MAST4: variants seen among roughly 807,000 people sequenced by gnomAD.
MAST4 encodes the protein microtubule associated serine/threonine kinase family member 4.
Under a neutral mutation model 162.7 loss-of-function variants are expected in MAST4, and 89 were observed. That is an observed-to-expected ratio of 0.55 (90% CI 0.46 to 0.65). The LOEUF (loss-of-function observed/expected upper bound fraction) is 0.65, where lower values mean the gene tolerates loss of function less well. Among genes scored for constraint, MAST4 ranks in the 30% least tolerant of loss-of-function variants. The pLI is 0.00. For synonymous variants in MAST4, 1,479 were observed against 1,361.1 expected (o/e 1.09, Z -1.91); for missense variants, 3,153 against 3,374.0 (o/e 0.93, Z 1.62).
At chr5:66,830,262 CT>C (rs1156434101) in intron 3 of MAST4, among the ~76,000 whole-genome samples, 1 of 151,924 alleles carries the variant, frequency 6.6e-6, no homozygotes, top group Non-Finnish European at 1.5e-5. Flanking sequence ...GAAGAAATTC[CT>C]TTTTTAAGTT....
intron 3 of MAST4, among the ~76,000 whole-genome samples, chr5:66,819,137 A>G (rs1015213540): frequency 6.6e-6 from 1 of 152,090 alleles, no homozygotes. Flanking sequence ...CCTCATTTCT[A>G]TTTGTGTCTG....
At chr5:66,944,730 T>G (rs1331673861) in intron 4 of MAST4, among the ~76,000 whole-genome samples, 2 of 152,094 alleles carry the variant, frequency 1.3e-5, no homozygotes, top group African/African-American at 4.8e-5. Context: ...TATCTCACAG[T>G]TCTGTCAATC....
At chr5:66,709,430 C>G (rs1440890909) in intron 1 of MAST4, among the ~76,000 whole-genome samples, 1 of 152,148 alleles carries the variant, frequency 6.6e-6, no homozygotes, top group Non-Finnish European at 1.5e-5. Flanking sequence ...ATCTTCCTGA[C>G]TCAGCCTCCC....
intron 4 of MAST4, among the ~76,000 whole-genome samples, chr5:67,000,014 A>G (rs1415340299): frequency 1.3e-5 from 2 of 152,170 alleles, no homozygotes; most frequent in Non-Finnish European, 2.9e-5. Context: ...TCCCAGTATT[A>G]AACTTTATTT....
intron 1 of MAST4, among the ~76,000 whole-genome samples, chr5:66,654,716 T>C (rs909304248): frequency 2.0e-5 from 3 of 152,214 alleles, no homozygotes; most frequent in Non-Finnish European, 4.4e-5. Flanking sequence ...TAGGTGGCTT[T>C]ATTCAGAATT....
chr5:67,060,562 C>T (rs1453204763), intron 5 of MAST4, among the ~76,000 whole-genome samples: 1 of 150,214 alleles, frequency 6.7e-6, no homozygotes, highest in Non-Finnish European at 1.5e-5. Flanking sequence ...ACTCTAAGCT[C>T]CGCCTCACAG....
intron 4 of MAST4, among the ~76,000 whole-genome samples, chr5:67,025,502 T>C (rs1041732541): frequency 2.0e-5 from 3 of 152,176 alleles, no homozygotes; most frequent in African/African-American, 4.8e-5. Flanking sequence ...CATAGACATC[T>C]TGGAAGTCCA....
intron 3 of MAST4, among the ~76,000 whole-genome samples, chr5:66,840,112 G>A (rs906247170): frequency 2.6e-5 from 4 of 152,004 alleles, no homozygotes; most frequent in Admixed American, 6.6e-5. Flanking sequence ...GAAGTCAGAC[G>A]TAGAATCTGT....
intron 1 of MAST4, among the ~76,000 whole-genome samples, chr5:66,722,714 T>A (rs993825685): frequency 1.3e-5 from 2 of 152,180 alleles, no homozygotes; most frequent in African/African-American, 4.8e-5. Flanking sequence ...ACATTTTATA[T>A]CCAGCATCCT....
intron 1 of MAST4, among the ~76,000 whole-genome samples, chr5:66,640,046 C>T (rs1745385458): frequency 6.6e-6 from 1 of 152,094 alleles, no homozygotes; most frequent in Non-Finnish European, 1.5e-5. Flanking sequence ...CTAATTCATC[C>T]TACAAAACTG....
At chr5:66,748,116 A>G (rs1752879694) in intron 1 of MAST4, among the ~76,000 whole-genome samples, 2 of 152,170 alleles carry the variant, frequency 1.3e-5, no homozygotes. Context: ...TTCCCAGGAT[A>G]AAAATAGTCT....
At chr5:66,897,987 A>G (rs1348437223) in intron 3 of MAST4, among the ~76,000 whole-genome samples, 2 of 152,110 alleles carry the variant, frequency 1.3e-5, no homozygotes, top group Admixed American at 6.5e-5. Context: ...TGAGTGATCT[A>G]TTTGCATATA....
intron 5 of MAST4, among the ~76,000 whole-genome samples, chr5:67,089,386 C>T (rs562342592): frequency 6.6e-6 from 1 of 152,336 alleles, no homozygotes; most frequent in Non-Finnish European, 1.5e-5. Context: ...GAGCTGCCCT[C>T]CTTCCAACGA....
intron 1 of MAST4, among the ~76,000 whole-genome samples, chr5:66,611,272 C>T (rs1743269913): frequency 6.6e-6 from 1 of 152,210 alleles, no homozygotes; most frequent in African/African-American, 2.4e-5. Context: ...TGCCACATGT[C>T]CTTGTTCCAG....
chr5:66,872,557 A>G (rs1310963981), intron 3 of MAST4, among the ~76,000 whole-genome samples: 1 of 152,170 alleles, frequency 6.6e-6, no homozygotes, highest in African/African-American at 2.4e-5. Flanking sequence ...TCTTTGTCAC[A>G]TTCATTAAGT....
At chr5:67,111,428 G>A (rs529995890) in intron 11 of MAST4, among the ~76,000 whole-genome samples, 1 of 152,190 alleles carries the variant, frequency 6.6e-6, no homozygotes, top group Admixed American at 6.5e-5. Context: ...GAGGAGAAAG[G>A]TAGGGAGTTG....
At chr5:66,691,890 T>C (rs1749064041) in intron 1 of MAST4, among the ~76,000 whole-genome samples, 2 of 152,198 alleles carry the variant, frequency 1.3e-5, no homozygotes, top group African/African-American at 4.8e-5. Context: ...TCTATGGTAA[T>C]GATTGTGAGT....
At chr5:67,072,840 A>G (rs1761139429) in intron 5 of MAST4, among the ~76,000 whole-genome samples, 1 of 152,190 alleles carries the variant, frequency 6.6e-6, no homozygotes, top group South Asian at 2.1e-4. Context: ...CATGCTTTGA[A>G]ATAACCAGAA....
chr5:67,012,255 AT>A (rs1430866856), intron 4 of MAST4, among the ~76,000 whole-genome samples: 1 of 152,180 alleles, frequency 6.6e-6, no homozygotes, highest in Non-Finnish European at 1.5e-5. Flanking sequence ...AATCATTTGA[AT>A]TCCTGTGTGG....
Sources: gnomAD v4.1 joint callset for allele counts (sites outside exome capture counted in the v4.1 genomes callset) on GRCh38, gnomAD v4.1.1 for gene constraint, MANE v1.5 for transcripts, NCBI Gene and HGNC (gene_info 2026-07-23, HGNC 2026-07-21) for gene names.